SRR: variants seen among roughly 807,000 people sequenced by gnomAD.
SRR encodes the protein D-serine ammonia-lyase.
Under a neutral mutation model 32.7 loss-of-function variants are expected in SRR, and 19 were observed. That is an observed-to-expected ratio of 0.58 (90% CI 0.40 to 0.85). The LOEUF is 0.85. Among genes scored for constraint, SRR ranks in the 40% least tolerant of loss-of-function variants. The pLI is 0.00. For missense variants in SRR, 373 were observed against 404.7 expected, an observed-to-expected ratio of 0.92 and a Z score of 0.67; for synonymous variants, 142 against 140.9, an observed-to-expected ratio of 1.01 and a Z score of -0.06.
chr17:2,309,171 C>T (rs2075416264), intron 1 of SRR, among the ~76,000 whole-genome samples: 1 of 152,066 alleles, frequency 6.6e-6, no homozygotes, highest in African/African-American at 2.4e-5. Context: ...CTGTGTTGCC[C>T]AGGCTGGTCT....
At chr17:2,308,718 G>C (rs922513842) in intron 1 of SRR, among the ~76,000 whole-genome samples, 2 of 152,182 alleles carry the variant, frequency 1.3e-5, no homozygotes, top group African/African-American at 4.8e-5. Flanking sequence ...CTACTTGGGA[G>C]GCTGAGGTAG....
Position 2,320,034 on chromosome 17 carries a change from G to A in SRR, c.399+1105G>A, listed in dbSNP as rs532110764. Among the ~76,000 whole-genome samples, 67 of 150,692 alleles carry A rather than the reference G, an allele frequency of 4.4e-4. 1 individual carries two copies. The highest frequency in any genetic ancestry group is 3.7e-3 in the Admixed American group (56 of 15,132). On this transcript the variant is annotated intron_variant, in intron 4 of 7. Coordinates refer to ENST00000344595, the MANE Select transcript of SRR (RefSeq NM_021947.3). Reference sequence around the variant, plus strand: ...GGGGTTTCACTGTGTTAGCCAGGATGGTCTCGATCTCCTGACCTCGTGATC... The same window carrying A: ...GGGGTTTCACTGTGTTAGCCAGGATAGTCTCGATCTCCTGACCTCGTGATC...
rs35025479 is a variant in SRR, at chr17:2,320,251, C to CTTTT, written c.400-1033_400-1030dup. ...CTATCTTTCTGACCTCATCTCTCAT[C>CTTTT]TTTTTTTTTTTTTTTTTTTTTTTTT... On this transcript the variant is annotated intron_variant, in intron 4 of 7. Transcript: ENST00000344595. 1.4e-3 allele frequency among the ~76,000 whole-genome samples: 106 copies of CTTTT among 76,716 alleles called. 3 individuals carry two copies. Among genetic ancestry groups the CTTTT allele is most frequent in the Non-Finnish European group, 1.5e-3 (63 of 43,196 alleles). The allele number at this position is 76,716 out of a possible 152,430, so 50.3% of individuals were successfully genotyped here.
rs1215587574 is a variant in SRR at position 2,315,637 on chromosome 17, C to T, written c.77C>T (p.Thr26Ile). The T allele has an allele frequency of 6.8e-6, 11 of 1,614,064 alleles. No homozygotes were observed. Among genetic ancestry groups the T allele is most frequent in the Non-Finnish European group, 9.3e-6 (11 of 1,180,036 alleles). ...HINIRDSIHL[T>I]PVLTSSILNQ... ...AACATTCGAGATTCTATCCACCTCA[C>T]ACCAGTGCTAACAAGCTCCATTTTG... Residue 26 changes from threonine to isoleucine, a missense_variant, in exon 2 of 8, where the codon ACA becomes ATA. Thr to Ile is a moderately conservative substitution (Grantham distance 89, BLOSUM62 -1). Transcript: ENST00000344595.
chr17:2,303,766 C>T (rs1019887535), upstream of SRR: 1 of 1,463,576 alleles, frequency 6.8e-7, no homozygotes. Context: ...CACCGCCGCG[C>T]GCAGCCAGGA....
chr17:2,309,081 G>C (rs961320625), intron 1 of SRR, among the ~76,000 whole-genome samples: 5 of 152,126 alleles, frequency 3.3e-5, no homozygotes, highest in African/African-American at 1.2e-4. Flanking sequence ...TTGCCCCATT[G>C]CACTCCAGCC....
intron 1 of SRR, chr17:2,307,265 C>T: frequency 3.4e-6 from 4 of 1,163,116 alleles, no homozygotes; most frequent in East Asian, 2.3e-5. Context: ...AAATACCATA[C>T]TGTGAATGGC....
chr17:2,316,765 T>A (rs945220096), intron 2 of SRR, among the ~76,000 whole-genome samples: 2 of 152,018 alleles, frequency 1.3e-5, no homozygotes, highest in African/African-American at 4.8e-5. Flanking sequence ...CAGGCTGGAG[T>A]GCAGTGGCAC....
At chr17:2,314,321 C>T (rs989460907) in intron 1 of SRR, among the ~76,000 whole-genome samples, 3 of 152,124 alleles carry the variant, frequency 2.0e-5, no homozygotes, top group Non-Finnish European at 4.4e-5. Context: ...TGGTGGCTCA[C>T]GCCTGTAATC....
Position 2,317,955 on chromosome 17 carries a change from G to GA in SRR, c.257dup (p.Asn86LysfsTer29). The GA allele has an allele frequency of 1.2e-6, 2 of 1,614,014 alleles. No homozygotes were observed. ...AAAGCTGTTGTTACTCACAGCAGTG[G>GA]AAACCATGGCCAGGCTCTCACCTAT... On this transcript the variant is annotated frameshift_variant, in exon 3 of 8. Coordinates refer to ENST00000344595, the MANE Select transcript of SRR (RefSeq NM_021947.3). LOFTEE classifies it high-confidence loss of function.
rs770456741 is a variant in SRR at position 2,324,833 on chromosome 17, A to G, written c.*960A>G. 6.9e-6 allele frequency: 11 copies of G among 1,604,402 alleles called. No individual in the cohort carries two copies. The East Asian group carries it at 2.2e-4, about 33-fold the overall frequency. ...GTAGCAATGAGGCTGTGCATTCCTA[A>G]AGGACAAAAGCAAAGAAGCTATTTA... On this transcript the variant is annotated 3_prime_UTR_variant, in exon 8 of 8. Coordinates refer to ENST00000344595, the MANE Select transcript of SRR (RefSeq NM_021947.3).
intron 4 of SRR, among the ~76,000 whole-genome samples, chr17:2,320,003 A>G (rs1298693130): frequency 6.7e-6 from 1 of 148,536 alleles, no homozygotes; most frequent in East Asian, 2.1e-4. Context: ...TATTTTTAGT[A>G]GAGACGGGGT....
intron 4 of SRR, 114 bp from the exon 5 acceptor site, chr17:2,321,192 C>A: frequency 7.9e-7 from 1 of 1,259,590 alleles, no homozygotes; most frequent in Non-Finnish European, 1.1e-6. Flanking sequence ...ATCTCTAGTA[C>A]CTGAACAAAG....
At chr17:2,323,581 T>G (rs2075552892) in intron 7 of SRR, 74 bp from the exon 8 acceptor site, 1 of 1,478,212 alleles carries the variant, frequency 6.8e-7, no homozygotes, top group Non-Finnish European at 9.4e-7. Flanking sequence ...TGGACACGTA[T>G]TCTCATCTGA....
intron 6 of SRR, among the ~76,000 whole-genome samples, chr17:2,322,082 A>G (rs1204886229): frequency 6.6e-6 from 1 of 151,984 alleles, no homozygotes. Context: ...CGCCCGGCCT[A>G]TTTATTATTT....
chr17:2,310,038 GTTCC>G, intron 1 of SRR: 1 of 152,280 alleles, frequency 6.6e-6, no homozygotes, highest in South Asian at 2.1e-4. Context: ...GGTTCCAGTA[GTTCC>G]TGAAGCTCCA....
In SRR at chr17:2,321,400, C is replaced by T. The variant is rs1215617346; in HGVS notation, c.494C>T (p.Thr165Ile). 6.2e-7 allele frequency: 1 copy of T among 1,612,458 alleles called. No homozygotes were observed. Among genetic ancestry groups the T allele is most frequent in the Admixed American group, 1.7e-5 (1 of 59,668 alleles). ...QEPAVIAGQG[T>I]IALEVLNQVP... ...CCTGCAGTGATAGCTGGACAAGGGA[C>T]AATTGCCCTGGAAGTGCTGAACCAG... The change falls in exon 5 of 8, where the codon ACA becomes ATA. Residue 165 changes from threonine to isoleucine, a missense_variant. Transcript: ENST00000344595.
chr17:2,318,683 G>A (rs1405548827), intron 3 of SRR, 143 bp from the exon 4 acceptor site: 4 of 508,694 alleles, frequency 7.9e-6, no homozygotes, highest in African/African-American at 2.1e-5. Context: ...TGTTAGCCAG[G>A]ATGGTCTCAA....
In SRR at chr17:2,324,795, C is replaced by G. The variant is rs746361229; in HGVS notation, c.*922C>G. On this transcript the variant is annotated 3_prime_UTR_variant, in exon 8 of 8. Coordinates refer to ENST00000344595, the MANE Select transcript of SRR (RefSeq NM_021947.3). ...TGACCATTCTGTCTGGATCTACTGACATAAGATGGCCTGTAGCAATGAGGC... is the reference window on the plus strand; with the variant it reads ...TGACCATTCTGTCTGGATCTACTGAGATAAGATGGCCTGTAGCAATGAGGC... 4 of 1,614,050 alleles carry G rather than the reference C, an allele frequency of 2.5e-6. No homozygotes were observed. In the South Asian group the frequency reaches 4.4e-5, roughly 18 times the overall value.
Sources: gnomAD v4.1 joint callset for allele counts (sites outside exome capture counted in the v4.1 genomes callset) on GRCh38, gnomAD v4.1.1 for gene constraint, MANE v1.5 for transcripts, NCBI Gene and HGNC (gene_info 2026-07-23, HGNC 2026-07-21) for gene names.